The following KIF11 variants were observed in gnomAD, a reference collection of about 807,000 sequenced individuals.
KIF11 encodes the protein kinesin family member 11.
KIF11 carries 9 observed loss-of-function variants against 121.0 expected under a neutral mutation model. The ratio of observed to expected loss-of-function variants is 0.07; its 90% CI spans 0.04 to 0.13. KIF11 has a LOEUF of 0.13. Among genes scored for constraint, KIF11 ranks in the 10% least tolerant of loss-of-function variants. The pLI is 1.00. For synonymous variants in KIF11, 408 were observed against 421.0 expected (o/e 0.97, Z 0.38); for missense variants, 846 against 1,217.5 (o/e 0.69, Z 4.54).
At position 92,633,783 on chromosome 10, in the gene KIF11, A is replaced by G. The variant is rs1429310365; in HGVS notation, c.1863A>G (p.Leu621=). ...TAGCAGCAGAAAGTAAAACTGTACT[A>G]CAGGAATTGATTGTTAGTACATCCT... is the stretch of plus-strand genomic sequence containing the variant. The part of the protein sequence containing the change: ...QSLAAESKTV[L]QELINVLKTD... The change falls in exon 14 of 22, where the codon CTA becomes CTG. Residue 621 remains leucine (L), a synonymous_variant. Coordinates refer to ENST00000260731, the MANE Select transcript of KIF11 (RefSeq NM_004523.4). 12 of 1,574,946 alleles carry G rather than the reference A, an allele frequency of 7.6e-6. No individual in the cohort carries two copies. Among genetic ancestry groups the G allele is most frequent in the Non-Finnish European group, 1.0e-5 (12 of 1,151,918 alleles).
intron 16 of KIF11, among the ~76,000 whole-genome samples, chr10:92,639,469 G>A (rs1289567819): frequency 6.6e-6 from 1 of 151,908 alleles, no homozygotes; most frequent in Non-Finnish European, 1.5e-5. Flanking sequence ...GCTCATGCCT[G>A]TGTAGTCCCA....
intron 6 of KIF11, among the ~76,000 whole-genome samples, chr10:92,609,760 A>G (rs1844474214): frequency 6.6e-6 from 1 of 151,994 alleles, no homozygotes; most frequent in Non-Finnish European, 1.5e-5. Context: ...TTTTGAGACG[A>G]ATTTTCGCTC....
Position 92,654,689 on chromosome 10 carries a change from C to T in KIF11, c.*893C>T, listed in dbSNP as rs1845025671. ...TCTAAAATCACTGTCAACAATAAAT[C>T]TAACCCTAGTTGTATCCCTCCTTTC... On this transcript the variant is annotated 3_prime_UTR_variant, in exon 22 of 22. Coordinates refer to ENST00000260731, the MANE Select transcript of KIF11 (RefSeq NM_004523.4). 1 of 152,216 alleles carries T rather than the reference C, an allele frequency of 6.6e-6. No homozygotes were observed. The highest frequency in any genetic ancestry group is 1.5e-5 in the Non-Finnish European group (1 of 68,044). The allele number at this position is 152,216 out of a possible 1,614,324, so 9.4% of individuals were successfully genotyped here.
At position 92,606,320 on chromosome 10, in the gene KIF11, C is replaced by G; in HGVS notation, c.133C>G (p.Pro45Ala). The change falls in exon 2 of 22, where the codon CCT becomes GCT. Residue 45 changes from proline (P) to alanine (A), a missense_variant. Physicochemically the swap from Pro to Ala is conservative, Grantham distance 27 (BLOSUM62 -1). Coordinates refer to ENST00000260731, the MANE Select transcript of KIF11 (RefSeq NM_004523.4). The stretch of plus-strand genomic sequence containing the variant: ...CGCCCATTCAATAGTAGAATGTGAT[C>G]CTGTACGAAAAGAAGTTAGTGTACG... The part of the protein sequence containing the change: ...ASAHSIVECD[P>A]VRKEVSVRTG... 1 of 1,611,834 alleles carries G rather than the reference C, an allele frequency of 6.2e-7. No individual in the cohort carries two copies. The highest frequency in any genetic ancestry group is 1.1e-5 in the South Asian group (1 of 90,560).
intron 19 of KIF11, among the ~76,000 whole-genome samples, chr10:92,649,041 C>T (rs1844952084): frequency 6.6e-6 from 1 of 152,010 alleles, no homozygotes; most frequent in African/African-American, 2.4e-5. Flanking sequence ...TGGTTGCACA[C>T]CCTGTAAACT....
rs2135905204 is a variant in KIF11 at position 92,613,692 on chromosome 10, T to C, written c.1032+73T>C. On this transcript the variant is annotated intron_variant, in intron 8 of 21. Transcript: ENST00000260731. This position sits in a 1 kb window ranked among gnomAD's most constrained non-coding sequence, Gnocchi z 4.2. ...TTTGGCTATTATATATTTTAAAAGT[T>C]CATTTACTAGGATGGACACAGTGAC... 1 of 1,407,948 alleles carries C rather than the reference T, an allele frequency of 7.1e-7. No homozygotes were observed. Among genetic ancestry groups the C allele is most frequent in the Non-Finnish European group, 9.6e-7 (1 of 1,038,050 alleles). 87.2% of individuals were successfully genotyped at this position (1,407,948 alleles called of 1,614,324 possible).
At chr10:92,634,539 G>A (rs1242654824) in intron 14 of KIF11, among the ~76,000 whole-genome samples, 7 of 152,014 alleles carry the variant, frequency 4.6e-5, no homozygotes, top group East Asian at 3.9e-4. Context: ...CTCCCAAAGC[G>A]CTGGGATTAC....
At chr10:92,627,548 T>TTA (rs1445065186) in intron 10 of KIF11, among the ~76,000 whole-genome samples, 1 of 152,192 alleles carries the variant, frequency 6.6e-6, no homozygotes, top group Non-Finnish European at 1.5e-5. Flanking sequence ...TCAGAAACAT[T>TTA]ATTAATGTTA....
intron 10 of KIF11, among the ~76,000 whole-genome samples, 200 bp downstream of exon 10, chr10:92,621,673 C>T (rs1363415075): frequency 6.6e-6 from 1 of 152,080 alleles, no homozygotes; most frequent in South Asian, 2.1e-4. Context: ...ACAATCTTGG[C>T]TCACTACGTC....
intron 4 of KIF11, among the ~76,000 whole-genome samples, chr10:92,608,241 A>G (rs1369935932): frequency 6.6e-6 from 1 of 151,228 alleles, no homozygotes; most frequent in Non-Finnish European, 1.5e-5. Flanking sequence ...CCTCCTGAGT[A>G]GCTGGGATTA....
At chr10:92,631,295 G>GA (rs201439676) in intron 12 of KIF11, among the ~76,000 whole-genome samples, 532 of 97,400 alleles carry the variant, frequency 5.5e-3, no homozygotes, top group African/African-American at 6.6e-3. Flanking sequence ...CTCTGTTTCA[G>GA]AAAAAAAAAA....
chr10:92,593,323 C>G lies in KIF11; in HGVS notation c.-53C>G. On this transcript the variant is annotated 5_prime_UTR_variant, in exon 1 of 22. Coordinates refer to ENST00000260731, the MANE Select transcript of KIF11 (RefSeq NM_004523.4). ...CTGTCGGCCGCCAAGCCCCTCCGCC[C>G]CTCACAGCGCCCAGGTCCGCGGCCG... 1 of 1,555,248 alleles carries G rather than the reference C, an allele frequency of 6.4e-7. No homozygotes were observed. The highest frequency in any genetic ancestry group is 8.7e-7 in the Non-Finnish European group (1 of 1,146,286).
intron 17 of KIF11, among the ~76,000 whole-genome samples, chr10:92,642,539 TAGAG>T (rs1844876572): frequency 6.6e-6 from 1 of 152,248 alleles, no homozygotes; most frequent in Non-Finnish European, 1.5e-5. Context: ...ATCAGTGACT[TAGAG>T]AGGAGTATTG....
intron 12 of KIF11, among the ~76,000 whole-genome samples, chr10:92,631,451 TC>T (rs1371222975): frequency 6.7e-6 from 1 of 150,314 alleles, no homozygotes; most frequent in Non-Finnish European, 1.5e-5. Flanking sequence ...AAGCTCCGCT[TC>T]CCGGGTTCAC....
Position 92,651,531 on chromosome 10 carries a change from T to C in KIF11, c.3039+1014T>C, listed in dbSNP as rs1248092439. Among the ~76,000 whole-genome samples the C allele has an allele frequency of 1.1e-4, 13 of 115,880 alleles. No individual in the cohort carries two copies. The South Asian group carries it at 2.0e-3, about 17-fold the overall frequency. The allele number at this position is 115,880 out of a possible 152,430, so 76.0% of individuals were successfully genotyped here. On this transcript the variant is annotated intron_variant, in intron 21 of 21. Coordinates refer to ENST00000260731, the MANE Select transcript of KIF11 (RefSeq NM_004523.4). ...TGTTTTTTTTTTTTTTTTTTTTTTT[T>C]TTTTTTTTTTTTTTTTTAGTAGAGG...
rs77389290 is a variant in KIF11 at position 92,616,530 on chromosome 10, C to G, written c.1033-207C>G. ...GTCTAAAGGAAATTATCCTAAGGGT[C>G]GAGACTCTGAAAATTGAAGAGAAGG... On this transcript the variant is annotated intron_variant, in intron 8 of 21. Coordinates refer to ENST00000260731, the MANE Select transcript of KIF11 (RefSeq NM_004523.4). 8.7e-3 allele frequency among the ~76,000 whole-genome samples: 1,318 copies of G among 151,824 alleles called. 20 individuals carry two copies. The highest frequency in any genetic ancestry group is 0.03 in the African/African-American group (1,254 of 41,410).
chr10:92,651,608 C>T (rs1389028865), intron 21 of KIF11, among the ~76,000 whole-genome samples: 1 of 134,912 alleles, frequency 7.4e-6, no homozygotes, highest in Non-Finnish European at 1.5e-5. Context: ...TTCAGGTGAT[C>T]TGCCTGCCTC....
At chr10:92,614,101 A>AT (rs199546714) in intron 8 of KIF11, among the ~76,000 whole-genome samples, 5,809 of 133,388 alleles carry the variant, frequency 0.044, 216 homozygotes, top group Admixed American at 0.065. Flanking sequence ...TAGTAGCTTC[A>AT]TTTTTTTTTT....
At chr10:92,636,573 G>A (rs1173437444) in intron 14 of KIF11, among the ~76,000 whole-genome samples, 2 of 151,678 alleles carry the variant, frequency 1.3e-5, no homozygotes, top group Admixed American at 6.6e-5. Context: ...CCAAGATCAC[G>A]CCATTGCACT....
Sources: gnomAD v4.1 joint callset for allele counts (sites outside exome capture counted in the v4.1 genomes callset) on GRCh38, gnomAD v4.1.1 for gene constraint, Gnocchi (gnomAD v3.1) non-coding constraint, MANE v1.5 for transcripts, NCBI Gene and HGNC (gene_info 2026-07-23, HGNC 2026-07-21) for gene names.